The following FGGY variants were observed in gnomAD, a reference collection of about 807,000 sequenced individuals.
FGGY encodes FGGY carbohydrate kinase domain containing, also known as FGGY carbohydrate kinase domain-containing protein.
FGGY carries 72 observed loss-of-function variants against 71.3 expected under a neutral mutation model. The observed-to-expected ratio is 1.01, with a 90% confidence interval of 0.84 to 1.23. The LOEUF is 1.23. Among genes scored for constraint, FGGY ranks in the 50% most tolerant of loss-of-function variants. FGGY has a pLI of 0.00. For synonymous variants in FGGY, 251 were observed against 250.3 expected (o/e 1.00, Z -0.02); for missense variants, 668 against 682.3 (o/e 0.98, Z 0.23).
intron 9 of FGGY, among the ~76,000 whole-genome samples, chr1:59,620,615 TTTCAATTTTAAGAA>T (rs1392344205): frequency 2.6e-5 from 4 of 152,094 alleles, no homozygotes; most frequent in Admixed American, 1.3e-4. Context: ...AATGACTATT[TTTCAATTTTAAGAA>T]TTCAATTTTA....
intron 9 of FGGY, among the ~76,000 whole-genome samples, chr1:59,609,113 C>T (rs563733081): frequency 6.6e-6 from 1 of 152,170 alleles, no homozygotes; most frequent in East Asian, 1.9e-4. Flanking sequence ...TACAGATAGT[C>T]TACTTGGTAG....
chr1:59,378,777 C>G lies in FGGY; in HGVS notation c.494C>G (p.Ala165Gly). ...TTGAGAGAGATTTGCTGGGATAAGG[C>G]GGGACATTTCTTTGATCTCCCGGAC... is the stretch of plus-strand genomic sequence containing the variant. ...ENLREICWDK[A>G]GHFFDLPDFL... Residue 165 changes from alanine to glycine, a missense_variant, in exon 5 of 16, where the codon GCG becomes GGG. By Grantham distance (60) the Ala-to-Gly change is moderately conservative. Around this residue, in one of 2 missense-constraint regions of FGGY, gnomAD observed 661 missense variants for 661.6 expected, o/e 1.00. Transcript: ENST00000303721. 1 of 1,613,336 alleles carries G rather than the reference C, an allele frequency of 6.2e-7. No individual in the cohort carries two copies. Among genetic ancestry groups the G allele is most frequent in the South Asian group, 1.1e-5 (1 of 91,056 alleles).
intron 1 of FGGY, among the ~76,000 whole-genome samples, chr1:59,307,455 A>G (rs2043619867): frequency 6.6e-6 from 1 of 152,190 alleles, no homozygotes; most frequent in African/African-American, 2.4e-5. Context: ...AAAAATTGTC[A>G]TGTGACATAG....
intron 1 of FGGY, among the ~76,000 whole-genome samples, chr1:59,312,947 C>G (rs1176866442): frequency 3.9e-5 from 6 of 152,168 alleles, no homozygotes; most frequent in Non-Finnish European, 8.8e-5. Context: ...TTTCTACTGT[C>G]TTTCTGATTT....
intron 5 of FGGY, among the ~76,000 whole-genome samples, chr1:59,380,319 A>G (rs577323330): frequency 4.0e-5 from 6 of 151,486 alleles, no homozygotes; most frequent in African/African-American, 9.8e-5. Context: ...CCAGTAATGG[A>G]ATGGCTGGGT....
chr1:59,524,253 T>C (rs1558217492), intron 7 of FGGY, among the ~76,000 whole-genome samples: 1 of 152,196 alleles, frequency 6.6e-6, no homozygotes, highest in Non-Finnish European at 1.5e-5. Flanking sequence ...TCTCTGGACC[T>C]TGGGCGCCAA....
At chr1:59,373,064 A>G (rs1183044344) in intron 4 of FGGY, among the ~76,000 whole-genome samples, 3 of 152,126 alleles carry the variant, frequency 2.0e-5, no homozygotes, top group Admixed American at 6.5e-5. Flanking sequence ...GGCCAGGGCA[A>G]TTAGGCAGGA....
chr1:59,656,856 T>C (rs1572750374), intron 11 of FGGY, among the ~76,000 whole-genome samples: 1 of 152,226 alleles, frequency 6.6e-6, no homozygotes, highest in African/African-American at 2.4e-5. Context: ...CTTTTTGCCA[T>C]AGCTGCTAGC....
chr1:59,460,475 G>A (rs2092095787), intron 6 of FGGY, among the ~76,000 whole-genome samples: 2 of 152,188 alleles, frequency 1.3e-5, no homozygotes, highest in Admixed American at 1.3e-4. Context: ...TGGGGGCACG[G>A]CGTAGCTGAA....
At chr1:59,654,327 T>A (rs2097198430) in intron 11 of FGGY, among the ~76,000 whole-genome samples, 1 of 152,208 alleles carries the variant, frequency 6.6e-6, no homozygotes, top group African/African-American at 2.4e-5. Flanking sequence ...ATCCTCCTCA[T>A]TGCCTTGTCC....
At chr1:59,331,633 C>G (rs1319062762) in intron 2 of FGGY, among the ~76,000 whole-genome samples, 1 of 152,056 alleles carries the variant, frequency 6.6e-6, no homozygotes, top group Non-Finnish European at 1.5e-5. Context: ...TATATCTACA[C>G]TATGTAATTT....
At chr1:59,396,737 C>G (rs1250196874) in intron 5 of FGGY, among the ~76,000 whole-genome samples, 2 of 152,124 alleles carry the variant, frequency 1.3e-5, no homozygotes, top group Admixed American at 1.3e-4. Flanking sequence ...CAACAGTTCC[C>G]TCATCTTTAA....
chr1:59,545,015 A>C (rs1432618706), intron 7 of FGGY, among the ~76,000 whole-genome samples: 1 of 152,214 alleles, frequency 6.6e-6, no homozygotes, highest in Non-Finnish European at 1.5e-5. Flanking sequence ...CCTGCCTCCA[A>C]CCATCCAAAC....
chr1:59,440,975 GCA>G (rs1299716917), intron 5 of FGGY, among the ~76,000 whole-genome samples: 1 of 152,030 alleles, frequency 6.6e-6, no homozygotes, highest in Non-Finnish European at 1.5e-5. Flanking sequence ...TCCTCAGGAT[GCA>G]CACTTTAAGG....
Position 59,499,627 on chromosome 1 carries a change from T to A in FGGY, c.671-12684T>A, listed in dbSNP as rs58563758. 3.7e-3 allele frequency among the ~76,000 whole-genome samples: 567 copies of A among 152,272 alleles called. 4 individuals are homozygous for A. Among genetic ancestry groups the A allele is most frequent in the African/African-American group, 0.013 (546 of 41,550 alleles). ...TTCATTTGGAAAAAAAAAGTTTTGG[T>A]CCTGGAAAAAAAGTTTAAGAACATA... is the stretch of plus-strand genomic sequence containing the variant. On this transcript the variant is annotated intron_variant, in intron 6 of 15. Coordinates refer to ENST00000303721, the MANE Select transcript of FGGY (RefSeq NM_018291.5).
At chr1:59,566,529 C>T (rs1439008051) in intron 8 of FGGY, among the ~76,000 whole-genome samples, 1 of 151,912 alleles carries the variant, frequency 6.6e-6, no homozygotes, top group Non-Finnish European at 1.5e-5. Context: ...CTCAGAAGAA[C>T]CAATGGGAAG....
At chr1:59,698,835 A>G (rs2097686396) in intron 14 of FGGY, 2 of 985,418 alleles carry the variant, frequency 2.0e-6, no homozygotes, top group Non-Finnish European at 2.4e-6. Context: ...GTGTGCCCAC[A>G]GCCAAGAGAA....
At chr1:59,694,361 G>A (rs183885578) in intron 14 of FGGY, among the ~76,000 whole-genome samples, 1 of 151,844 alleles carries the variant, frequency 6.6e-6, no homozygotes, top group African/African-American at 2.4e-5. Context: ...TGTGATACAA[G>A]TGAGGACCTC....
intron 14 of FGGY, among the ~76,000 whole-genome samples, chr1:59,753,575 A>AT (rs2098265641): frequency 1.4e-5 from 2 of 146,740 alleles, no homozygotes; most frequent in South Asian, 4.3e-4. Flanking sequence ...AAATTTAGAA[A>AT]ACACAATAAG....
Sources: gnomAD v4.1 joint callset for allele counts (sites outside exome capture counted in the v4.1 genomes callset) on GRCh38, gnomAD v4.1.1 for gene constraint, gnomAD v4.1.1 regional missense constraint, MANE v1.5 for transcripts, NCBI Gene and HGNC (gene_info 2026-07-23, HGNC 2026-07-21) for gene names.